The following NOMO1 variants were observed in gnomAD, a reference collection of about 807,000 sequenced individuals.
The protein encoded by NOMO1 is nodal modulator 3.
NOMO1 carries 40 observed loss-of-function variants against 133.8 expected under a neutral mutation model. The ratio of observed to expected loss-of-function variants is 0.30; its 90% CI spans 0.23 to 0.39. The LOEUF is 0.39. Among genes scored for constraint, NOMO1 ranks in the 10% least tolerant of loss-of-function variants. NOMO1 has a pLI of 1.00. For missense variants in NOMO1, 462 were observed against 1,419.9 expected (o/e 0.33, Z 10.84); for synonymous variants, 236 against 570.5 (o/e 0.41, Z 8.36).
chr16:14,883,472 C>T (rs1964274733), intron 26 of NOMO1, among the ~76,000 whole-genome samples: 1 of 151,680 alleles, frequency 6.6e-6, no homozygotes, highest in African/African-American at 2.4e-5. Context: ...GCTGGGACTA[C>T]AGGCACACAC....
In NOMO1 at chr16:14,877,477, T is replaced by G. The variant is rs543686378; in HGVS notation, c.2643+687T>G. ...TAAAATTCTATATTGCTGAATACAT[T>G]TGGAACCAAACTGAAAGATATTCAA... On this transcript the variant is annotated intron_variant, in intron 22 of 30. Coordinates refer to ENST00000287667, the MANE Select transcript of NOMO1 (RefSeq NM_014287.4). 5.7e-3 allele frequency among the ~76,000 whole-genome samples: 856 copies of G among 150,460 alleles called. 4 individuals carry two copies. Among genetic ancestry groups the G allele is most frequent in the Non-Finnish European group, 9.9e-3 (669 of 67,506 alleles).
At chr16:14,849,974 AT>A in intron 6 of NOMO1, among the ~76,000 whole-genome samples, 1 of 143,206 alleles carries the variant, frequency 7.0e-6, no homozygotes, top group South Asian at 2.2e-4. Context: ...TTCATGGCTC[AT>A]TGCAGCCTCT....
At position 14,876,430 on chromosome 16, in the gene NOMO1, G is replaced by A. The variant is rs145674650; in HGVS notation, c.2428G>A (p.Glu810Lys). ...GLFLEGQIHP[E>K]LEGVEIVISE... ...GTTTTTAGAAGGCCAGATCCACCCC[G>A]AGTTGGAAGGAGTCGAGATTGTCAT... Residue 810 changes from glutamate (E) to lysine (K), a missense_variant, in exon 21 of 31, where the codon GAG becomes AAG. By Grantham distance (56) the Glu-to-Lys change is moderately conservative (BLOSUM62 1). Coordinates refer to ENST00000287667, the MANE Select transcript of NOMO1 (RefSeq NM_014287.4). 2.7e-5 allele frequency: 43 copies of A among 1,611,308 alleles called. No individual in the cohort carries two copies. In the African/African-American group the frequency reaches 3.2e-4, roughly 12 times the overall value.
intron 22 of NOMO1, among the ~76,000 whole-genome samples, chr16:14,877,506 C>T (rs565062281): frequency 6.6e-5 from 10 of 151,124 alleles, no homozygotes; most frequent in Admixed American, 2.0e-4. Context: ...TATTCAAACT[C>T]GGAAGAAATG....
At chr16:14,843,698 A>G (rs1251844579) in intron 3 of NOMO1, among the ~76,000 whole-genome samples, 2 of 135,314 alleles carry the variant, frequency 1.5e-5, no homozygotes, top group Admixed American at 8.0e-5. Context: ...TCTTTTGCCC[A>G]TTTTTTATTG....
chr16:14,889,304 G>A, intron 29 of NOMO1, 89 bp downstream of exon 29: 1 of 1,609,536 alleles, frequency 6.2e-7, no homozygotes, highest in Non-Finnish European at 8.5e-7. Flanking sequence ...GGCCAAGGCT[G>A]GTGGATCTCT....
chr16:14,888,490 TAGAAAGCAA>T (rs2151012025), intron 28 of NOMO1: 1 of 156,190 alleles, frequency 6.4e-6, no homozygotes, highest in South Asian at 1.9e-4. Context: ...TTGCCAGTGG[TAGAAAGCAA>T]AGCAGCCGCG....
At chr16:14,839,329 T>G (rs1963570112) in intron 2 of NOMO1, among the ~76,000 whole-genome samples, 1 of 152,044 alleles carries the variant, frequency 6.6e-6, no homozygotes, top group African/African-American at 2.4e-5. Context: ...GTGCTGGGAT[T>G]ACAGGTGTGA....
intron 25 of NOMO1, among the ~76,000 whole-genome samples, chr16:14,882,390 G>GT (rs1262990286): frequency 8.1e-6 from 1 of 123,320 alleles, no homozygotes; most frequent in Non-Finnish European, 1.7e-5. Flanking sequence ...TGGGATGGAA[G>GT]GAGTCGCAAA....
intron 2 of NOMO1, among the ~76,000 whole-genome samples, chr16:14,838,779 C>T (rs1287504934): frequency 2.0e-5 from 3 of 150,572 alleles, no homozygotes; most frequent in Non-Finnish European, 3.0e-5. Context: ...AGTGGCCAGG[C>T]GTGGAGCTAA....
At chr16:14,866,494 G>A in intron 14 of NOMO1, 61 bp from the exon 15 acceptor site, 1 of 1,609,912 alleles carries the variant, frequency 6.2e-7, no homozygotes, top group Non-Finnish European at 8.5e-7. Context: ...GTTTCTGGTG[G>A]CGTGGAGGGA....
At chr16:14,858,687 G>A (rs999383562) in intron 11 of NOMO1, among the ~76,000 whole-genome samples, 23 of 152,250 alleles carry the variant, frequency 1.5e-4, no homozygotes, top group African/African-American at 5.1e-4. Flanking sequence ...CCACCGGGGC[G>A]TAGGGGCTTT....
intron 3 of NOMO1, among the ~76,000 whole-genome samples, chr16:14,842,991 G>A (rs1388926646): frequency 2.1e-5 from 3 of 144,916 alleles, no homozygotes; most frequent in Non-Finnish European, 4.5e-5. Context: ...TGTGATCTCA[G>A]TTCACTGCAA....
chr16:14,837,579 CTT>C (rs1487578503), intron 1 of NOMO1, among the ~76,000 whole-genome samples: 3 of 151,514 alleles, frequency 2.0e-5, no homozygotes, highest in African/African-American at 7.3e-5. Flanking sequence ...TTTTTAGTCT[CTT>C]TTTCTTCGGA....
chr16:14,836,003 TA>T lies in NOMO1; in HGVS notation c.165+1999del, dbSNP rs957201020. On this transcript the variant is annotated intron_variant, in intron 1 of 30. Coordinates refer to ENST00000287667, the MANE Select transcript of NOMO1 (RefSeq NM_014287.4). ...TGTTCTCTAACAGGGACCTTACTGT[TA>T]AAAAAAAAAAATTATACTGGTTGCT... Among the ~76,000 whole-genome samples the T allele has an allele frequency of 7.1e-4, 104 of 146,638 alleles. 2 individuals are homozygous for T. The highest frequency in any genetic ancestry group is 4.2e-3 in the East Asian group (21 of 5,056).
intron 12 of NOMO1, among the ~76,000 whole-genome samples, chr16:14,864,368 C>T (rs1024798589): frequency 5.5e-4 from 84 of 151,934 alleles, no homozygotes; most frequent in African/African-American, 1.7e-4. Flanking sequence ...TCATACACAT[C>T]GGTCTGTTGA....
intron 18 of NOMO1, among the ~76,000 whole-genome samples, chr16:14,873,376 A>G (rs1256277329): frequency 7.6e-6 from 1 of 132,174 alleles, no homozygotes; most frequent in Admixed American, 7.5e-5. Context: ...AGGCAGGGGG[A>G]GGCAATGGGG....
chr16:14,838,963 T>A (rs1963562778), intron 2 of NOMO1, among the ~76,000 whole-genome samples: 1 of 151,770 alleles, frequency 6.6e-6, no homozygotes, highest in African/African-American at 2.4e-5. Flanking sequence ...TCTTTAGAAG[T>A]ATGTGAAATA....
At position 14,864,896 on chromosome 16, in the gene NOMO1, G is replaced by A. The variant is rs544078514; in HGVS notation, c.1538-128G>A. ...CATGTTAGCTTGAAAGAAGCACTCC[G>A]TCTGCCTCCGGCCACTGCCTCTTAG... On this transcript the variant is annotated intron_variant, in intron 13 of 30. Coordinates refer to ENST00000287667, the MANE Select transcript of NOMO1 (RefSeq NM_014287.4). 7.7e-6 allele frequency: 9 copies of A among 1,173,788 alleles called. No homozygotes were observed. In the African/African-American group the frequency reaches 7.8e-5, roughly 10 times the overall value. 72.7% of individuals were successfully genotyped at this position (1,173,788 alleles called of 1,614,324 possible).
Sources: gnomAD v4.1 joint callset for allele counts (sites outside exome capture counted in the v4.1 genomes callset) on GRCh38, gnomAD v4.1.1 for gene constraint, MANE v1.5 for transcripts, NCBI Gene and HGNC (gene_info 2026-07-23, HGNC 2026-07-21) for gene names.